SULF1: variants seen among roughly 807,000 people sequenced by gnomAD.
SULF1 encodes the protein sulfatase 1, also known as extracellular sulfatase Sulf-1.
A neutral mutation model predicts 110.5 loss-of-function variants in SULF1; 46 were observed. The ratio of observed to expected loss-of-function variants is 0.42; its 90% CI spans 0.33 to 0.53. The LOEUF is 0.53. Ranked by LOEUF, SULF1 falls within the 20% of genes least tolerant of loss-of-function variation. The probability of loss-of-function intolerance (pLI) is 0.12; values close to 1 mark genes in which losing one functional copy is unlikely to be tolerated. For missense variants in SULF1, 941 were observed against 1,094.2 expected, an observed-to-expected ratio of 0.86 and a Z score of 1.98; for synonymous variants, 371 against 387.1, an observed-to-expected ratio of 0.96 and a Z score of 0.49.
intron 3 of SULF1, among the ~76,000 whole-genome samples, chr8:69,560,639 G>C (rs895042060): frequency 6.6e-6 from 1 of 152,148 alleles, no homozygotes; most frequent in Non-Finnish European, 1.5e-5. Context: ...AAGGACTCTT[G>C]TTGTCCCCCA....
chr8:69,575,981 G>C lies in SULF1; in HGVS notation c.184G>C (p.Val62Leu). The C allele has an allele frequency of 6.2e-7, 1 of 1,613,906 alleles. No individual in the cohort carries two copies. The highest frequency in any genetic ancestry group is 8.5e-7 in the Non-Finnish European group (1 of 1,179,884). ...DQDVELGSLQVMNKTRKIMEH... is the reference protein window; with the variant it reads ...DQDVELGSLQLMNKTRKIMEH... ...ACTGTGCCTTTCAGGGTCCCTGCAAGTCATGAACAAAACGAGAAAGATTAT... is the reference window on the plus strand; with the variant it reads ...ACTGTGCCTTTCAGGGTCCCTGCAACTCATGAACAAAACGAGAAAGATTAT... Residue 62 changes from valine to leucine, a missense_variant, in exon 6 of 23, where the codon GTC becomes CTC. Physicochemically the swap from Val to Leu is conservative, Grantham distance 32. This residue lies in a region of SULF1 where 822 missense variants were observed against 934.3 expected (regional missense o/e 0.88). Coordinates refer to ENST00000402687, the MANE Select transcript of SULF1 (RefSeq NM_001128205.2).
intron 7 of SULF1, among the ~76,000 whole-genome samples, chr8:69,586,950 A>G (rs1806509774): frequency 6.6e-6 from 1 of 152,202 alleles, no homozygotes; most frequent in African/African-American, 2.4e-5. Flanking sequence ...AAGTTTGAAA[A>G]ACCACATTCC....
At chr8:69,530,596 G>A (rs977317969) in intron 3 of SULF1, among the ~76,000 whole-genome samples, 2 of 152,136 alleles carry the variant, frequency 1.3e-5, no homozygotes, top group African/African-American at 4.8e-5. Context: ...CCTAAAATGG[G>A]TTTTAGAGGT....
chr8:69,551,903 C>T (rs1034042144), intron 3 of SULF1, among the ~76,000 whole-genome samples: 12 of 152,262 alleles, frequency 7.9e-5, no homozygotes, highest in Admixed American at 3.3e-4. Context: ...ACCAGCCTGG[C>T]CAACATGCTG....
chr8:69,597,988 C>G (rs1807475509), intron 8 of SULF1, among the ~76,000 whole-genome samples: 1 of 151,994 alleles, frequency 6.6e-6, no homozygotes, highest in Non-Finnish European at 1.5e-5. Context: ...TCCTCAACCT[C>G]TTAATCTAAT....
chr8:69,513,773 G>T (rs1447929728), intron 3 of SULF1, among the ~76,000 whole-genome samples: 1 of 152,200 alleles, frequency 6.6e-6, no homozygotes, highest in East Asian at 1.9e-4. Context: ...TGTGGCCAGG[G>T]TTTCTAATTG....
intron 3 of SULF1, among the ~76,000 whole-genome samples, chr8:69,545,718 C>T (rs1814213010): frequency 6.6e-6 from 1 of 152,050 alleles, no homozygotes. Context: ...TTCTTTGAGA[C>T]AGAGTTTCGC....
Position 69,523,523 on chromosome 8 carries a change from G to A in SULF1, c.-134+21555G>A, listed in dbSNP as rs567571300. Among the ~76,000 whole-genome samples the A allele has an allele frequency of 3.3e-5, 5 of 152,218 alleles. No homozygotes were observed. The South Asian group carries it at 1.0e-3, about 32-fold the overall frequency. ...TAGGGGATTCTATGTTCTTCTCCAG[G>A]CACATAGAGTTGCACAGGTGCAGAT... On this transcript the variant is annotated intron_variant, in intron 3 of 22. Transcript: ENST00000402687.
chr8:69,531,370 G>A (rs534275442), intron 3 of SULF1, among the ~76,000 whole-genome samples: 5 of 152,216 alleles, frequency 3.3e-5, no homozygotes, highest in East Asian at 1.9e-4. Context: ...CACCCATAGG[G>A]TGGAGTACTA....
chr8:69,563,299 A>G (rs1277809768), intron 3 of SULF1: 1 of 152,238 alleles, frequency 6.6e-6, no homozygotes. Flanking sequence ...GAGTGTGAGC[A>G]GGGTGATACC....
At chr8:69,640,082 A>G (rs187088354) in intron 21 of SULF1, among the ~76,000 whole-genome samples, 7 of 151,454 alleles carry the variant, frequency 4.6e-5, no homozygotes, top group Non-Finnish European at 1.0e-4. Flanking sequence ...AAAGAGAGAG[A>G]GAGAGGGAGG....
chr8:69,533,831 G>A (rs902571285), intron 3 of SULF1, among the ~76,000 whole-genome samples: 3 of 152,252 alleles, frequency 2.0e-5, no homozygotes, highest in Admixed American at 6.5e-5. Context: ...GAATCAAAAT[G>A]TGGTTACTTT....
At chr8:69,566,221 A>G (rs777936192) in intron 5 of SULF1, among the ~76,000 whole-genome samples, 2 of 152,168 alleles carry the variant, frequency 1.3e-5, no homozygotes, top group East Asian at 3.9e-4. Context: ...CTAACTTGAA[A>G]TGGACCCATA....
chr8:69,485,223 AC>A (rs1809656433), intron 1 of SULF1, among the ~76,000 whole-genome samples: 1 of 152,242 alleles, frequency 6.6e-6, no homozygotes, highest in Admixed American at 6.5e-5. Flanking sequence ...AATAGGAATG[AC>A]TAGGCATATT....
chr8:69,507,795 T>C (rs1811297660), intron 3 of SULF1, among the ~76,000 whole-genome samples: 1 of 152,182 alleles, frequency 6.6e-6, no homozygotes, highest in Admixed American at 6.5e-5. Context: ...ATGAGGTCCT[T>C]CTCTCTCTTG....
intron 1 of SULF1, among the ~76,000 whole-genome samples, chr8:69,494,827 T>C (rs1222834892): frequency 6.6e-6 from 1 of 151,184 alleles, no homozygotes; most frequent in African/African-American, 2.4e-5. Flanking sequence ...CTAGAGTGAG[T>C]TGCGTTTGTG....
chr8:69,534,232 T>C (rs1296499517), intron 3 of SULF1, among the ~76,000 whole-genome samples: 1 of 152,216 alleles, frequency 6.6e-6, no homozygotes, highest in Admixed American at 6.5e-5. Context: ...TCTCCAAGAA[T>C]TGGATGAAAA....
At chr8:69,545,349 G>A (rs1814181045) in intron 3 of SULF1, among the ~76,000 whole-genome samples, 1 of 152,108 alleles carries the variant, frequency 6.6e-6, no homozygotes, top group African/African-American at 2.4e-5. Context: ...AATGGTTGTA[G>A]AATGAGAAAA....
At position 69,483,343 on chromosome 8, in the gene SULF1, A is replaced by G. The variant is rs142120980; in HGVS notation, c.-390-12422A>G. On this transcript the variant is annotated intron_variant, in intron 1 of 22. Transcript: ENST00000260128. ...AAACTGTTTTCACTGACCTTATTTT[A>G]TTTGGTCTTCATAATGCTTCCAATG... Among the ~76,000 whole-genome samples, 6 of 152,264 alleles carry G rather than the reference A, an allele frequency of 3.9e-5. No homozygotes were observed. In the East Asian group the frequency reaches 9.7e-4, roughly 24 times the overall value.
Sources: gnomAD v4.1 joint callset for allele counts (sites outside exome capture counted in the v4.1 genomes callset) on GRCh38, gnomAD v4.1.1 for gene constraint, gnomAD v4.1.1 regional missense constraint, MANE v1.5 for transcripts, NCBI Gene and HGNC (gene_info 2026-07-23, HGNC 2026-07-21) for gene names.